TNFSF13B: variants seen among roughly 807,000 people sequenced by gnomAD.
TNFSF13B encodes tumor necrosis factor ligand superfamily member 13B.
TNFSF13B carries 8 observed loss-of-function variants against 29.1 expected under a neutral mutation model. The ratio of observed to expected loss-of-function variants is 0.27; its 90% CI spans 0.16 to 0.50. The LOEUF is 0.50. Among genes scored for constraint, TNFSF13B ranks in the 20% least tolerant of loss-of-function variants. The pLI, the probability that TNFSF13B is intolerant of heterozygous loss-of-function variation, is 0.98. For missense variants in TNFSF13B, 248 were observed against 334.9 expected, an observed-to-expected ratio of 0.74 and a Z score of 2.03; for synonymous variants, 125 against 130.8, an observed-to-expected ratio of 0.96 and a Z score of 0.30.
intron 2 of TNFSF13B, among the ~76,000 whole-genome samples, chr13:108,270,861 C>T (rs760244618): frequency 6.6e-6 from 1 of 152,102 alleles, no homozygotes; most frequent in East Asian, 1.9e-4. Context: ...TCTGAATGTA[C>T]ATTACATGTT....
chr13:108,305,285 A>G (rs191592405), intron 5 of TNFSF13B, among the ~76,000 whole-genome samples: 14 of 152,274 alleles, frequency 9.2e-5, no homozygotes, highest in Admixed American at 9.2e-4. Context: ...CAACCTGAAA[A>G]GATGTAAATG....
At chr13:108,283,278 A>G (rs1199095886) in intron 2 of TNFSF13B, among the ~76,000 whole-genome samples, 2 of 152,262 alleles carry the variant, frequency 1.3e-5, no homozygotes, top group African/African-American at 2.4e-5. Context: ...TGGAACAAGG[A>G]CAATTATTCA....
At chr13:108,271,153 C>T (rs1166966904) in intron 2 of TNFSF13B, among the ~76,000 whole-genome samples, 1 of 151,870 alleles carries the variant, frequency 6.6e-6, no homozygotes, top group African/African-American at 2.4e-5. Context: ...CTAGTTCTTT[C>T]ATTTGAAGGT....
chr13:108,303,685 G>T (rs764481210), intron 5 of TNFSF13B, 81 bp downstream of exon 5: 15 of 1,430,858 alleles, frequency 1.0e-5, no homozygotes, highest in Non-Finnish European at 1.4e-5. Context: ...ATGCAAAAAT[G>T]AAAGGATGGT....
chr13:108,290,740 T>G (rs1041227911), intron 3 of TNFSF13B, among the ~76,000 whole-genome samples: 1 of 152,112 alleles, frequency 6.6e-6, no homozygotes, highest in Non-Finnish European at 1.5e-5. Context: ...GTCATTTGTC[T>G]TAATTTTGCA....
At chr13:108,299,481 A>T (rs778225172) in intron 3 of TNFSF13B, among the ~76,000 whole-genome samples, 26 of 117,614 alleles carry the variant, frequency 2.2e-4, no homozygotes, top group Non-Finnish European at 4.6e-4. Flanking sequence ...TTTTTCCAAA[A>T]TACTTTTTTT....
At chr13:108,271,460 ACAC>A (rs1880611997) in intron 2 of TNFSF13B, among the ~76,000 whole-genome samples, 2 of 150,256 alleles carry the variant, frequency 1.3e-5, no homozygotes, top group African/African-American at 4.9e-5. Context: ...ACACACACAC[ACAC>A]ACACACACAC....
chr13:108,285,905 T>C (rs16972229), intron 2 of TNFSF13B, among the ~76,000 whole-genome samples: 3,707 of 152,378 alleles, frequency 0.024, 114 homozygotes, highest in East Asian at 0.15. Context: ...TTATTGTATC[T>C]TCCCTACAGA....
intron 3 of TNFSF13B, among the ~76,000 whole-genome samples, chr13:108,289,958 A>C (rs974911509): frequency 6.6e-6 from 1 of 152,246 alleles, no homozygotes; most frequent in East Asian, 1.9e-4. Context: ...CGTTGCAAAA[A>C]ATAAAAAAGC....
At chr13:108,281,546 G>A (rs1199777981) in intron 2 of TNFSF13B, among the ~76,000 whole-genome samples, 1 of 152,104 alleles carries the variant, frequency 6.6e-6, no homozygotes, top group Non-Finnish European at 1.5e-5. Flanking sequence ...AGATCACTGA[G>A]ACCTTTGCTG....
intron 2 of TNFSF13B, among the ~76,000 whole-genome samples, chr13:108,284,154 C>A (rs1881045124): frequency 6.6e-6 from 1 of 152,076 alleles, no homozygotes; most frequent in African/African-American, 2.4e-5. Context: ...ACGATGAAAG[C>A]CCGTCTCTAT....
At chr13:108,291,970 T>C (rs1048615089) in intron 3 of TNFSF13B, among the ~76,000 whole-genome samples, 9 of 152,134 alleles carry the variant, frequency 5.9e-5, no homozygotes, top group Admixed American at 3.3e-4. Context: ...TTTTCAGTTA[T>C]ATCTTTTTAT....
chr13:108,295,941 C>T (rs983976411), intron 3 of TNFSF13B, among the ~76,000 whole-genome samples: 3 of 146,046 alleles, frequency 2.1e-5, no homozygotes, highest in African/African-American at 7.7e-5. Context: ...GGATGAAAAA[C>T]ATATCTTTTT....
intron 2 of TNFSF13B, among the ~76,000 whole-genome samples, chr13:108,276,619 G>T (rs1880769897): frequency 1.3e-5 from 2 of 152,146 alleles, no homozygotes; most frequent in Admixed American, 6.5e-5. Context: ...TTGAAAAAGT[G>T]AAAAGGTTAG....
intron 2 of TNFSF13B, among the ~76,000 whole-genome samples, chr13:108,278,743 T>A (rs1323943337): frequency 2.9e-4 from 10 of 34,510 alleles, no homozygotes; most frequent in Non-Finnish European, 5.0e-4. Context: ...CTGATCAGGT[T>A]ATTTGAGACA....
At chr13:108,287,064 G>C (rs1253111005) in intron 3 of TNFSF13B, among the ~76,000 whole-genome samples, 10 of 136,272 alleles carry the variant, frequency 7.3e-5, no homozygotes. Flanking sequence ...GGTGGGAACT[G>C]AACAATGAGA....
intron 2 of TNFSF13B, among the ~76,000 whole-genome samples, chr13:108,276,508 CTT>C (rs1030590420): frequency 1.3e-5 from 2 of 152,112 alleles, no homozygotes; most frequent in African/African-American, 4.8e-5. Context: ...TATTGTGTCT[CTT>C]TTACACAATC....
Position 108,296,058 on chromosome 13 carries a change from T to C in TNFSF13B, c.482-7195T>C, listed in dbSNP as rs1168000974. Among the ~76,000 whole-genome samples, 3 of 146,148 alleles carry C rather than the reference T, an allele frequency of 2.1e-5. 1 individual carries two copies. Among genetic ancestry groups the C allele is most frequent in the South Asian group, 2.1e-4 (1 of 4,684 alleles). On this transcript the variant is annotated intron_variant, in intron 3 of 5. Transcript: ENST00000375887. ...CGATGTTCATGTGCATTTGAAAATA[T>C]GTGTTCTGCTGATTTTAGGTGGAGT...
At chr13:108,302,933 A>G (rs543123242) in intron 3 of TNFSF13B, 22 of 805,974 alleles carry the variant, frequency 2.7e-5, no homozygotes, top group Non-Finnish European at 3.3e-5. Flanking sequence ...CTTTGCTTCA[A>G]ACTCTCTTAT....
Sources: gnomAD v4.1 joint callset for allele counts (sites outside exome capture counted in the v4.1 genomes callset) on GRCh38, gnomAD v4.1.1 for gene constraint, MANE v1.5 for transcripts, NCBI Gene and HGNC (gene_info 2026-07-23, HGNC 2026-07-21) for gene names.